CEP350: variants seen among roughly 807,000 people sequenced by gnomAD.
CEP350 encodes the protein centrosome-associated protein 350.
In CEP350, 126 loss-of-function variants were observed where a neutral mutation model predicts 331.8. The ratio of observed to expected loss-of-function variants is 0.38; its 90% CI spans 0.33 to 0.44. CEP350 has a LOEUF of 0.44. CEP350 is among the 20% of genes least tolerant of loss of function. The pLI is 1.00. For synonymous variants in CEP350, 1,200 were observed against 1,259.5 expected (o/e 0.95, Z 1.00); for missense variants, 3,406 against 3,634.6 (o/e 0.94, Z 1.62).
rs747619688 is a variant in CEP350 at position 180,111,081 on chromosome 1, A to T, written c.9274A>T (p.Ile3092Phe). ...TGTGAAAATGCAGCTAGCCGACGGG[A>T]TCTTTGAGACCCTGATCAAAGATAC... The part of the protein sequence containing the change: ...LCVKMQLADG[I>F]FETLIKDTID... Residue 3092 changes from isoleucine to phenylalanine, a missense_variant, in exon 38 of 38, where the codon ATC becomes TTC. Physicochemically the swap from Ile to Phe is conservative, Grantham distance 21 (BLOSUM62 0). Transcript: ENST00000367607. 1.9e-6 allele frequency: 3 copies of T among 1,613,866 alleles called. No individual in the cohort carries two copies. The highest frequency in any genetic ancestry group is 1.3e-5 in the African/African-American group (1 of 74,890).
At chr1:180,065,390 G>A (rs1356252558) in intron 27 of CEP350, 118 bp downstream of exon 27, 2 of 1,006,856 alleles carry the variant, frequency 2.0e-6, no homozygotes, top group East Asian at 2.8e-5. Flanking sequence ...GGATTCAGTA[G>A]CATTTTAGCA....
chr1:180,055,867 A>G (rs1277349284), intron 25 of CEP350, among the ~76,000 whole-genome samples: 1 of 152,118 alleles, frequency 6.6e-6, no homozygotes, highest in East Asian at 1.9e-4. Flanking sequence ...TTTAAAAAAT[A>G]AGTTGTGTCT....
rs140608133 is a variant in CEP350, at chr1:180,014,375, C to G, written c.1922C>G (p.Thr641Ser). The change falls in exon 10 of 38, where the codon ACT becomes AGT. Residue 641 changes from threonine to serine, a missense_variant. This residue lies in a region of CEP350 where 1,857 missense variants were observed against 1,909.2 expected (regional missense o/e 0.97). Coordinates refer to ENST00000367607, the MANE Select transcript of CEP350 (RefSeq NM_014810.5). ...TACCGGAAGCAGAAGGAAGCCTTTA[C>G]TAAAGTAAAAAATGTCCCTCCTTCT... ...ELYRKQKEAF[T>S]KVKNVPPSEP... The G allele has an allele frequency of 1.1e-5, 17 of 1,595,912 alleles. No individual in the cohort carries two copies. Among genetic ancestry groups the G allele is most frequent in the South Asian group, 8.0e-5 (7 of 88,020 alleles).
intron 1 of CEP350, among the ~76,000 whole-genome samples, chr1:179,964,677 C>T (rs1488683690): frequency 1.3e-5 from 2 of 151,712 alleles, no homozygotes; most frequent in African/African-American, 4.8e-5. Flanking sequence ...TAAAGATGTT[C>T]ATAGTAGTCT....
At chr1:180,096,282 AC>A in intron 36 of CEP350, 98 bp downstream of exon 36, 1 of 1,348,758 alleles carries the variant, frequency 7.4e-7, no homozygotes, top group Non-Finnish European at 9.9e-7. Flanking sequence ...TGTATGATTA[AC>A]CTTTGTGTCT....
chr1:180,088,021 G>A (rs914576392), intron 32 of CEP350, among the ~76,000 whole-genome samples: 1 of 152,042 alleles, frequency 6.6e-6, no homozygotes, highest in Non-Finnish European at 1.5e-5. Context: ...GTTTGGCTAT[G>A]TTTCAGAAGT....
intron 27 of CEP350, 36 bp downstream of exon 27, chr1:180,065,308 C>T (rs1331236944): frequency 1.3e-6 from 2 of 1,560,226 alleles, no homozygotes; most frequent in Non-Finnish European, 1.7e-6. Flanking sequence ...TGTTTAGTTA[C>T]ATTGAAAGTA....
intron 27 of CEP350, among the ~76,000 whole-genome samples, chr1:180,072,660 G>C (rs1658970437): frequency 1.3e-5 from 2 of 152,168 alleles, no homozygotes; most frequent in African/African-American, 4.8e-5. Context: ...GTGTGTGTAT[G>C]TGTGTGTAAG....
chr1:180,099,766 T>G (rs900630942), intron 37 of CEP350, among the ~76,000 whole-genome samples: 1 of 146,672 alleles, frequency 6.8e-6, no homozygotes, highest in Admixed American at 7.4e-5. Flanking sequence ...TTTATCATTC[T>G]TATGCCTTAT....
chr1:180,062,862 CA>C (rs1162523352), intron 26 of CEP350, among the ~76,000 whole-genome samples: 4 of 152,196 alleles, frequency 2.6e-5, no homozygotes, highest in Non-Finnish European at 5.9e-5. Context: ...AATTAAGATT[CA>C]ACATGAGTTA....
intron 16 of CEP350, among the ~76,000 whole-genome samples, chr1:180,035,189 A>C (rs1485347896): frequency 6.6e-6 from 1 of 152,208 alleles, no homozygotes; most frequent in Non-Finnish European, 1.5e-5. Flanking sequence ...GAAGCCCTAG[A>C]GAGGTGAGGA....
chr1:180,025,619 G>A (rs1280324437), intron 14 of CEP350, among the ~76,000 whole-genome samples: 1 of 152,174 alleles, frequency 6.6e-6, no homozygotes, highest in Non-Finnish European at 1.5e-5. Context: ...GAAGCTGGAA[G>A]CTGTCATTCT....
At chr1:180,106,413 C>T (rs2149190233) in intron 37 of CEP350, among the ~76,000 whole-genome samples, 1 of 152,290 alleles carries the variant, frequency 6.6e-6, no homozygotes. Context: ...TTTGAAATAG[C>T]TATCATGTTT....
Position 180,075,055 on chromosome 1 carries a change from A to G in CEP350, c.5601A>G (p.Gln1867=), listed in dbSNP as rs935604449. The G allele has an allele frequency of 3.1e-6, 5 of 1,612,412 alleles. No individual in the cohort carries two copies. The highest frequency in any genetic ancestry group is 1.3e-5 in the African/African-American group (1 of 74,846). Residue 1867 remains glutamine, a synonymous_variant, in exon 28 of 38, where the codon CAA becomes CAG. Transcript: ENST00000367607. Reference sequence around the variant, plus strand: ...CAAAGCGGGAGCAAAAATTAATGCAACGGCGACAACATGCAGAGGAGCTCC... The same window carrying G: ...CAAAGCGGGAGCAAAAATTAATGCAGCGGCGACAACATGCAGAGGAGCTCC... ...FLTKREQKLM[Q]RRQHAEELLE...
At chr1:179,973,763 A>G (rs1651633013) in intron 1 of CEP350, among the ~76,000 whole-genome samples, 1 of 152,116 alleles carries the variant, frequency 6.6e-6, no homozygotes, top group Admixed American at 6.5e-5. Context: ...CTTACAGGCT[A>G]CTTGCAAAAT....
intron 16 of CEP350, 23 bp from the exon 17 acceptor site, chr1:180,036,903 T>A: frequency 6.7e-7 from 1 of 1,489,102 alleles, no homozygotes; most frequent in Non-Finnish European, 8.9e-7. Context: ...ACTTTTCCAT[T>A]TGACCATTGT....
Position 179,996,776 on chromosome 1 carries a change from C to A in CEP350, c.619C>A (p.Gln207Lys). Residue 207 changes from glutamine to lysine, a missense_variant, in exon 6 of 38, where the codon CAA becomes AAA. Around this residue, in one of 5 missense-constraint regions of CEP350, gnomAD observed 1,857 missense variants for 1,909.2 expected, o/e 0.97. Coordinates refer to ENST00000367607, the MANE Select transcript of CEP350 (RefSeq NM_014810.5). ...LNDRPAIDAL[Q>K]NSECLIRMGA... The stretch of plus-strand genomic sequence containing the variant: ...TGATCGACCAGCAATTGATGCATTG[C>A]AAAATTCTGAATGTTTGATTAGGAT... 1 of 1,613,424 alleles carries A rather than the reference C, an allele frequency of 6.2e-7. No homozygotes were observed. Among genetic ancestry groups the A allele is most frequent in the South Asian group, 1.1e-5 (1 of 91,016 alleles).
At chr1:180,089,914 G>A (rs967716894) in intron 32 of CEP350, among the ~76,000 whole-genome samples, 5 of 152,186 alleles carry the variant, frequency 3.3e-5, no homozygotes, top group African/African-American at 1.2e-4. Flanking sequence ...TGATAAAATA[G>A]CAACATTTTA....
In CEP350 at chr1:180,048,574, T is replaced by C; in HGVS notation, c.4661T>C (p.Val1554Ala). 6.2e-7 allele frequency: 1 copy of C among 1,610,722 alleles called. No individual in the cohort carries two copies. Among genetic ancestry groups the C allele is most frequent in the Non-Finnish European group, 8.5e-7 (1 of 1,177,196 alleles). The change falls in exon 22 of 38, where the codon GTT (valine) becomes GCT (alanine). Residue 1554 changes from valine (V) to alanine (A), a missense_variant. This residue lies in a region of CEP350 where 1,857 missense variants were observed against 1,909.2 expected (regional missense o/e 0.97). Coordinates refer to ENST00000367607, the MANE Select transcript of CEP350 (RefSeq NM_014810.5). ...AGCAGCCGCCAAGAAAGTCCTTCAGTTCCATCTTGTAAGGAAAATGAGAAG... is the reference window on the plus strand; with the variant it reads ...AGCAGCCGCCAAGAAAGTCCTTCAGCTCCATCTTGTAAGGAAAATGAGAAG... ...SGSSRQESPS[V>A]PSCKENEKKL...
Sources: gnomAD v4.1 joint callset for allele counts (sites outside exome capture counted in the v4.1 genomes callset) on GRCh38, gnomAD v4.1.1 for gene constraint, gnomAD v4.1.1 regional missense constraint, MANE v1.5 for transcripts, NCBI Gene and HGNC (gene_info 2026-07-23, HGNC 2026-07-21) for gene names.